The following TP63 variants were observed in gnomAD, a reference collection of about 807,000 sequenced individuals.
The protein encoded by TP63 is tumor protein p63.
Under a neutral mutation model 82.8 loss-of-function variants are expected in TP63, and 17 were observed. The observed-to-expected ratio is 0.21, with a 90% CI of 0.14 to 0.31. TP63 has a LOEUF of 0.31. Ranked by LOEUF, TP63 falls within the 10% of genes least tolerant of loss-of-function variation. The pLI, the probability that TP63 is intolerant of heterozygous loss-of-function variation, is 1.00. For missense variants in TP63, 648 were observed against 895.3 expected (o/e 0.72, Z 3.52); for synonymous variants, 330 against 321.7 (o/e 1.03, Z -0.28).
intron 3 of TP63, among the ~76,000 whole-genome samples, chr3:189,739,619 C>T (rs1267302404): frequency 6.6e-6 from 1 of 152,110 alleles, no homozygotes; most frequent in Non-Finnish European, 1.5e-5. Flanking sequence ...CACTGAGTCA[C>T]TCGTGATCTT....
At chr3:189,814,052 T>C (rs1306781221) in intron 4 of TP63, among the ~76,000 whole-genome samples, 2 of 152,218 alleles carry the variant, frequency 1.3e-5, no homozygotes, top group African/African-American at 4.8e-5. Flanking sequence ...GAGAGTTCCA[T>C]TGATCCCAGC....
Position 189,872,434 on chromosome 3 carries a change from T to C in TP63, c.1213-425T>C, listed in dbSNP as rs540308771. 2.1e-3 allele frequency among the ~76,000 whole-genome samples: 304 copies of C among 146,420 alleles called. 2 individuals are homozygous for C. Among genetic ancestry groups the C allele is most frequent in the African/African-American group, 7.2e-3 (289 of 40,090 alleles). On this transcript the variant is annotated intron_variant, in intron 9 of 13. Transcript: ENST00000264731. ...ACACACACACACACACACACACACATATTTTCTCCATAAGGCATGGAACGA... is the reference window on the plus strand; with the variant it reads ...ACACACACACACACACACACACACACATTTTCTCCATAAGGCATGGAACGA...
chr3:189,741,196 G>A (rs1175016832), intron 3 of TP63, among the ~76,000 whole-genome samples: 6 of 122,882 alleles, frequency 4.9e-5, no homozygotes, highest in African/African-American at 1.8e-4. Context: ...TGGCTGCTCT[G>A]TCTGTGGAAA....
chr3:189,776,862 C>A (rs1279743639), intron 3 of TP63, among the ~76,000 whole-genome samples: 2 of 152,180 alleles, frequency 1.3e-5, no homozygotes, highest in African/African-American at 4.8e-5. Context: ...TGATGTTGAT[C>A]TTTGGTGATA....
chr3:189,827,069 T>C (rs1577047043), intron 4 of TP63, among the ~76,000 whole-genome samples: 1 of 152,210 alleles, frequency 6.6e-6, no homozygotes, highest in Admixed American at 6.5e-5. Flanking sequence ...ATAATATAGT[T>C]CCTGCCACTG....
intron 1 of TP63, among the ~76,000 whole-genome samples, chr3:189,645,632 A>G (rs1173865088): frequency 6.8e-6 from 1 of 148,088 alleles, no homozygotes; most frequent in Non-Finnish European, 1.5e-5. Flanking sequence ...CGTTAGGTAT[A>G]TCTCCTAATG....
At chr3:189,627,577 G>A (rs34829136), upstream of TP63, among the ~76,000 whole-genome samples, 17,983 of 152,112 alleles carry the variant, frequency 0.12, 1,452 homozygotes, top group East Asian at 0.4. Context: ...CTTCAGTAGC[G>A]TTAGCCACAT....
rs1326626805 is a variant in TP63, at chr3:189,896,485, G to C, written c.*1983G>C. The C allele has an allele frequency of 4.9e-6, 1 of 204,756 alleles. No homozygotes were observed. The highest frequency in any genetic ancestry group is 1.0e-5 in the Non-Finnish European group (1 of 100,108). 12.7% of individuals were successfully genotyped at this position (204,756 alleles called of 1,614,324 possible). A position where few individuals can be genotyped will look rare whatever the true frequency, so the allele number is the denominator to read the frequency against. Reference sequence around the variant, plus strand: ...TAAAATTTTGTATGTTAAAGAGAATGAGTCCTTGATTTCAAAGTTTTGTTG... The same window carrying C: ...TAAAATTTTGTATGTTAAAGAGAATCAGTCCTTGATTTCAAAGTTTTGTTG... On this transcript the variant is annotated 3_prime_UTR_variant, in exon 14 of 14. Coordinates refer to ENST00000264731, the MANE Select transcript of TP63 (RefSeq NM_003722.5).
the TP63 span, among the ~76,000 whole-genome samples, chr3:189,607,215 A>G: frequency 1.3e-5 from 2 of 152,342 alleles, no homozygotes; most frequent in Non-Finnish European, 2.9e-5. Context: ...ATGCAATGTG[A>G]TATCCTCAAT....
intron 7 of TP63, 33 bp downstream of exon 7, chr3:189,867,975 C>T (rs369196453): frequency 7.0e-6 from 11 of 1,571,768 alleles, no homozygotes; most frequent in African/African-American, 1.4e-5. Flanking sequence ...TCATTCTACA[C>T]AAAAAATCAC....
At position 189,889,444 on chromosome 3, in the gene TP63, A is replaced by T; in HGVS notation, c.1612A>T (p.Thr538Ser). Reference protein sequence around the residue: ...PLSMPSTSHCTPPPPYPTDCS... With the variant: ...PLSMPSTSHCSPPPPYPTDCS... ...CTCCATGCCATCCACCTCCCACTGC[A>T]CACCCCCACCTCCGTATCCCACAGA... Residue 538 changes from threonine to serine, a missense_variant, in exon 12 of 14, where the codon ACA becomes TCA. Physicochemically the swap from Thr to Ser is moderately conservative, Grantham distance 58. Around this residue, in one of 5 missense-constraint regions of TP63, gnomAD observed 342 missense variants for 425.7 expected, o/e 0.80. Coordinates refer to ENST00000264731, the MANE Select transcript of TP63 (RefSeq NM_003722.5). 6.2e-7 allele frequency: 1 copy of T among 1,613,456 alleles called. No homozygotes were observed. The highest frequency in any genetic ancestry group is 8.5e-7 in the Non-Finnish European group (1 of 1,179,860).
In TP63 at chr3:189,867,998, A is replaced by C. The variant is rs1686478789; in HGVS notation, c.992+56A>C. The stretch of plus-strand genomic sequence containing the variant: ...CACAAAAAATCACGAGCAGAGGGCA[A>C]AGTGAAATCGTGGCTGCTTTATCAT... On this transcript the variant is annotated intron_variant, in intron 7 of 13. Coordinates refer to ENST00000264731, the MANE Select transcript of TP63 (RefSeq NM_003722.5). 2.8e-6 allele frequency: 4 copies of C among 1,431,162 alleles called. No individual in the cohort carries two copies. The Admixed American group carries it at 5.4e-5, about 19-fold the overall frequency. 88.7% of individuals were successfully genotyped at this position (1,431,162 alleles called of 1,614,324 possible). A position where few individuals can be genotyped will look rare whatever the true frequency, so the allele number is the denominator to read the frequency against.
At chr3:189,613,305 C>A in the TP63 span, among the ~76,000 whole-genome samples, 2 of 152,216 alleles carry the variant, frequency 1.3e-5, no homozygotes, top group Admixed American at 1.3e-4. Flanking sequence ...CTGAAAGGGG[C>A]CAACACACAC....
intron 4 of TP63, among the ~76,000 whole-genome samples, chr3:189,830,173 G>A (rs1422585309): frequency 6.6e-6 from 1 of 152,170 alleles, no homozygotes; most frequent in East Asian, 1.9e-4. Context: ...GTTCAGATTT[G>A]AGATCTGACT....
At chr3:189,790,710 G>C (rs1725041911) in intron 3 of TP63, among the ~76,000 whole-genome samples, 1 of 152,102 alleles carries the variant, frequency 6.6e-6, no homozygotes, top group Non-Finnish European at 1.5e-5. Context: ...AATCAGATTG[G>C]GTTGTGGTGG....
intron 10 of TP63, chr3:189,881,287 G>A (rs1719888164): frequency 7.1e-6 from 7 of 985,192 alleles, no homozygotes; most frequent in Non-Finnish European, 8.4e-6. Flanking sequence ...TTACTCAAAA[G>A]TTTAGAGAAT....
At chr3:189,660,587 A>G (rs187025034) in intron 1 of TP63, among the ~76,000 whole-genome samples, 3 of 152,168 alleles carry the variant, frequency 2.0e-5, no homozygotes. Flanking sequence ...AGTTTTTTCT[A>G]GTTCTGTGAA....
At chr3:189,613,430 T>C in the TP63 span, among the ~76,000 whole-genome samples, 1 of 151,930 alleles carries the variant, frequency 6.6e-6, no homozygotes, top group Non-Finnish European at 1.5e-5. Context: ...CCACCTAGAG[T>C]TCAGAAGATA....
At chr3:189,765,432 G>GTTTTTTTTTTTTTT (rs1560167431) in intron 3 of TP63, among the ~76,000 whole-genome samples, 6 of 6,178 alleles carry the variant, frequency 9.7e-4, no homozygotes, top group African/African-American at 1.6e-3. Flanking sequence ...CCTGTCCTCT[G>GTTTTTTTTTTTTTT]CTTTTTTTTT....
Sources: gnomAD v4.1 joint callset for allele counts (sites outside exome capture counted in the v4.1 genomes callset) on GRCh38, gnomAD v4.1.1 for gene constraint, gnomAD v4.1.1 regional missense constraint, MANE v1.5 for transcripts, NCBI Gene and HGNC (gene_info 2026-07-23, HGNC 2026-07-21) for gene names.